The following CATSPERT variants were observed in gnomAD, a reference collection of about 807,000 sequenced individuals.
CATSPERT encodes the protein catsper channel auxiliary subunit tau.
the CATSPERT span, among the ~76,000 whole-genome samples, chr2:201,612,801 C>A: frequency 2.0e-5 from 3 of 152,226 alleles, no homozygotes; most frequent in African/African-American, 7.2e-5. Context: ...CCTTTCCTAG[C>A]AAAGGGAAGC....
At chr2:201,573,638 C>G in the CATSPERT span, among the ~76,000 whole-genome samples, 2 of 152,160 alleles carry the variant, frequency 1.3e-5, no homozygotes, top group Non-Finnish European at 2.9e-5. Flanking sequence ...TGTATGTGTA[C>G]ACACAAATAA....
At chr2:201,574,723 A>C in the CATSPERT span, among the ~76,000 whole-genome samples, 2 of 152,300 alleles carry the variant, frequency 1.3e-5, no homozygotes, top group Admixed American at 1.3e-4. Context: ...AGGTTGATAA[A>C]GGAGGGCATG....
the CATSPERT span, among the ~76,000 whole-genome samples, chr2:201,611,842 C>T: frequency 6.6e-6 from 1 of 152,096 alleles, no homozygotes; most frequent in Admixed American, 6.5e-5. Flanking sequence ...AATTTGATTC[C>T]CCTTTGCCGT....
At chr2:201,544,837 A>G in the CATSPERT span, among the ~76,000 whole-genome samples, 5 of 149,918 alleles carry the variant, frequency 3.3e-5, no homozygotes, top group African/African-American at 1.2e-4. Context: ...AAAAAAAAAA[A>G]AATACAAAAA....
chr2:201,593,341 G>C, the CATSPERT span, among the ~76,000 whole-genome samples: 1,179 of 151,848 alleles, frequency 7.8e-3, 15 homozygotes, highest in African/African-American at 0.027. Flanking sequence ...ACTGTGGTCT[G>C]AGAAATAGTT....
chr2:201,553,860 A>T, the CATSPERT span: 1 of 152,158 alleles, frequency 6.6e-6, no homozygotes, highest in African/African-American at 2.4e-5. Flanking sequence ...AATTTTTTGT[A>T]TTAACTATTA....
At chr2:201,495,570 T>C in the CATSPERT span, among the ~76,000 whole-genome samples, 1 of 152,176 alleles carries the variant, frequency 6.6e-6, no homozygotes, top group Non-Finnish European at 1.5e-5. Flanking sequence ...AGCCTAGTAT[T>C]TGTCTTATTT....
chr2:201,619,091 G>A, the CATSPERT span: 2 of 1,614,214 alleles, frequency 1.2e-6, no homozygotes, highest in Non-Finnish European at 1.7e-6. Flanking sequence ...CGGTTATCAA[G>A]TGTGCTGAAA....
chr2:201,589,217 A>C, the CATSPERT span, among the ~76,000 whole-genome samples: 1 of 151,882 alleles, frequency 6.6e-6, no homozygotes, highest in Non-Finnish European at 1.5e-5. Flanking sequence ...TTCTTATTAA[A>C]CCCCCATTGA....
the CATSPERT span, among the ~76,000 whole-genome samples, chr2:201,501,395 CAAAA>C: frequency 6.4e-5 from 3 of 46,598 alleles, no homozygotes; most frequent in African/African-American, 1.7e-4. Context: ...AACTCCATCT[CAAAA>C]AAAAAAAAAA....
At chr2:201,594,827 C>T in the CATSPERT span, among the ~76,000 whole-genome samples, 1 of 152,192 alleles carries the variant, frequency 6.6e-6, no homozygotes, top group Non-Finnish European at 1.5e-5. Flanking sequence ...TTTTCAGCTC[C>T]ATCAGCTCCT....
chr2:201,492,427 T>C, the CATSPERT span: 12 of 1,532,218 alleles, frequency 7.8e-6, no homozygotes, highest in Middle Eastern at 3.3e-4. Flanking sequence ...AGCTATCAGA[T>C]AGTTTTGTAG....
chr2:201,553,451 A>G, the CATSPERT span: 2 of 152,190 alleles, frequency 1.3e-5, no homozygotes, highest in African/African-American at 4.8e-5. Flanking sequence ...CAATGACTAC[A>G]TGTAATTATC....
At chr2:201,537,262 G>A in the CATSPERT span, among the ~76,000 whole-genome samples, 1 of 151,676 alleles carries the variant, frequency 6.6e-6, no homozygotes, top group Non-Finnish European at 1.5e-5. Context: ...ACTATTTTAT[G>A]CAGAAGGCTC....
chr2:201,541,851 CT>C, the CATSPERT span, among the ~76,000 whole-genome samples: 1 of 151,964 alleles, frequency 6.6e-6, no homozygotes, highest in Non-Finnish European at 1.5e-5. Flanking sequence ...CTGCCTCGGC[CT>C]CCCAAAGTGC....
At chr2:201,526,361 T>C in the CATSPERT span, among the ~76,000 whole-genome samples, 1 of 151,784 alleles carries the variant, frequency 6.6e-6, no homozygotes, top group Non-Finnish European at 1.5e-5. Context: ...CTACTAAAAA[T>C]ACAAAAATTA....
chr2:201,559,414 G>A, the CATSPERT span, among the ~76,000 whole-genome samples: 2 of 152,332 alleles, frequency 1.3e-5, no homozygotes, highest in African/African-American at 4.8e-5. Context: ...CCACATCTCA[G>A]GCCCAAGAAA....
chr2:201,513,869 C>T, the CATSPERT span, among the ~76,000 whole-genome samples: 1 of 152,132 alleles, frequency 6.6e-6, no homozygotes, highest in Admixed American at 6.5e-5. Context: ...GATATGTTTT[C>T]TGACCAAGTA....
chr2:201,585,920 C>A, the CATSPERT span, among the ~76,000 whole-genome samples: 1 of 152,052 alleles, frequency 6.6e-6, no homozygotes, highest in African/African-American at 2.4e-5. Flanking sequence ...AAGTTAGACC[C>A]AATGTGCCTG....
Sources: allele counts gnomAD v4.1 joint callset (sites outside exome capture counted in the v4.1 genomes callset), GRCh38; gene constraint gnomAD v4.1.1; transcripts MANE v1.5; gene names NCBI Gene and HGNC (gene_info 2026-07-23, HGNC 2026-07-21).